RABEPK: variants seen among roughly 807,000 people sequenced by gnomAD.
RABEPK encodes 40 kDa Rab9 effector protein.
RABEPK carries 27 observed loss-of-function variants against 34.1 expected under a neutral mutation model. The ratio of observed to expected loss-of-function variants is 0.79; its 90% confidence interval spans 0.58 to 1.09. The LOEUF is 1.09. Among genes scored for constraint, RABEPK ranks in the 50% least tolerant of loss-of-function variants. The pLI, the probability that RABEPK is intolerant of heterozygous loss-of-function variation, is 0.00. For synonymous variants in RABEPK, 172 were observed against 169.2 expected, an observed-to-expected ratio of 1.02 and a Z score of -0.13; for missense variants, 449 against 462.6, an observed-to-expected ratio of 0.97 and a Z score of 0.27.
intron 4 of RABEPK, among the ~76,000 whole-genome samples, chr9:125,214,747 C>T (rs1171808534): frequency 1.3e-5 from 2 of 148,902 alleles, no homozygotes; most frequent in Non-Finnish European, 3.0e-5. Context: ...TGGAAAAAGT[C>T]ATCCACAATC....
chr9:125,203,057 A>G lies in RABEPK; in HGVS notation c.44A>G (p.Lys15Arg). The change falls in exon 2 of 8, where the codon AAA becomes AGA. Residue 15 changes from lysine to arginine, a missense_variant. By Grantham distance (26) the Lys-to-Arg change is conservative (BLOSUM62 2). Coordinates refer to ENST00000373538, the MANE Select transcript of RABEPK (RefSeq NM_005833.4). ...TTGGAACCTGGAGACAAGCCCAGGA[A>G]AGCAACATGGTCTGTAAGGAAGGAT... is the stretch of plus-strand genomic sequence containing the variant. ...PVLEPGDKPR[K>R]ATWYTLTVPG... 3.1e-6 allele frequency: 5 copies of G among 1,613,364 alleles called. No homozygotes were observed. The highest frequency in any genetic ancestry group is 4.2e-6 in the Non-Finnish European group (5 of 1,179,486).
At position 125,200,542 on chromosome 9, in the gene RABEPK, G is replaced by A. The variant is rs1829837108; in HGVS notation, c.-371G>A. Reference sequence around the variant, plus strand: ...GACCTAAGCCCCGCCCCTCCGGGGTGGAGTCACGGCTCGCGACTGGCCTAA... The same window carrying A: ...GACCTAAGCCCCGCCCCTCCGGGGTAGAGTCACGGCTCGCGACTGGCCTAA... On this transcript the variant is annotated 5_prime_UTR_variant, in exon 1 of 8. Transcript: ENST00000373538. The A allele has an allele frequency of 5.3e-6, 2 of 380,336 alleles. No individual in the cohort carries two copies. Among genetic ancestry groups the A allele is most frequent in the Non-Finnish European group, 1.1e-5 (2 of 183,442 alleles). The allele number at this position is 380,336 out of a possible 1,614,324, so 23.6% of individuals were successfully genotyped here. A position where few individuals can be genotyped will look rare whatever the true frequency, so the allele number is the denominator to read the frequency against.
At chr9:125,226,690 C>T (rs572388166) in intron 5 of RABEPK, among the ~76,000 whole-genome samples, 35 of 150,270 alleles carry the variant, frequency 2.3e-4, no homozygotes, top group Middle Eastern at 3.6e-3. Context: ...ATGGTGATAC[C>T]GCGTCTCAAT....
At chr9:125,216,729 G>A (rs1043711286) in intron 4 of RABEPK, among the ~76,000 whole-genome samples, 13 of 152,080 alleles carry the variant, frequency 8.5e-5, no homozygotes, top group African/African-American at 2.7e-4. Context: ...TTGGGAGGAC[G>A]AGGAGGGCGG....
Position 125,230,814 on chromosome 9 carries a change from T to C in RABEPK, c.677-1782T>C, listed in dbSNP as rs527300574. ...CCTCCCAAAGTGCTGGGATTACAGG[T>C]GTGAGCCACTGCGCCCGGCCGACAG... is the stretch of plus-strand genomic sequence containing the variant. On this transcript the variant is annotated intron_variant, in intron 6 of 7. Transcript: ENST00000373538. Among the ~76,000 whole-genome samples, 30 of 150,890 alleles carry C rather than the reference T, an allele frequency of 2.0e-4. No individual in the cohort carries two copies. In the South Asian group the frequency reaches 5.7e-3, roughly 29 times the overall value.
At chr9:125,218,279 G>A (rs1318239223) in intron 4 of RABEPK, among the ~76,000 whole-genome samples, 41 of 121,504 alleles carry the variant, frequency 3.4e-4, no homozygotes, top group East Asian at 2.6e-4. Flanking sequence ...CCGAGATCGC[G>A]CCACTGCACT....
rs775452492 is a variant in RABEPK at position 125,231,773 on chromosome 9, A to G, written c.677-823A>G. 9.7e-4 allele frequency among the ~76,000 whole-genome samples: 146 copies of G among 151,264 alleles called. 1 individual carries two copies. The highest frequency in any genetic ancestry group is 2.5e-3 in the Admixed American group (38 of 15,156). ...CACTCCAGGCTGGGCAACAGAGCGG[A>G]AAAAAAAAGAATAAGAAAGGGGATA... On this transcript the variant is annotated intron_variant, in intron 6 of 7. Coordinates refer to ENST00000373538, the MANE Select transcript of RABEPK (RefSeq NM_005833.4).
In RABEPK at chr9:125,213,389, AG is replaced by A. The variant is rs1260853179; in HGVS notation, c.232del (p.Asp78IlefsTer42). 1 of 1,612,460 alleles carries A rather than the reference AG, an allele frequency of 6.2e-7. No individual in the cohort carries two copies. Among genetic ancestry groups the A allele is most frequent in the East Asian group, 2.2e-5 (1 of 44,876 alleles). The part of the protein sequence containing the change: ...MDLGKHQWDL[D>X]TCKGLLPRYE... Reference sequence around the variant, plus strand: ...TTCCAGGAAAACACCAGTGGGACTTAGATACCTGCAAGGGCCTCTTGCCCCG... The same window carrying A: ...TTCCAGGAAAACACCAGTGGGACTTAATACCTGCAAGGGCCTCTTGCCCCG... On this transcript the variant is annotated frameshift_variant, in exon 4 of 8. Transcript: ENST00000373538. LOFTEE classifies it high-confidence loss of function.
intron 6 of RABEPK, among the ~76,000 whole-genome samples, chr9:125,229,790 G>C (rs890462221): frequency 6.6e-6 from 1 of 152,208 alleles, no homozygotes; most frequent in African/African-American, 2.4e-5. Flanking sequence ...AGGTTAGAGA[G>C]AACATGAGAA....
chr9:125,227,128 C>A (rs1831814501), intron 5 of RABEPK, among the ~76,000 whole-genome samples: 1 of 152,014 alleles, frequency 6.6e-6, no homozygotes, highest in Non-Finnish European at 1.5e-5. Flanking sequence ...TGAGATCATG[C>A]CATTGCACTC....
chr9:125,220,955 T>C, intron 5 of RABEPK: 1 of 355,230 alleles, frequency 2.8e-6, no homozygotes, highest in Non-Finnish European at 5.0e-6. Context: ...CCGCTTAAGG[T>C]CAGGAGTTCG....
chr9:125,229,529 C>G (rs1832028978), intron 6 of RABEPK, among the ~76,000 whole-genome samples: 1 of 152,196 alleles, frequency 6.6e-6, no homozygotes, highest in African/African-American at 2.4e-5. Context: ...TACCTCTGGA[C>G]AGAATACTAA....
chr9:125,213,316 A>G, intron 3 of RABEPK, 54 bp from the exon 4 acceptor site: 2 of 1,574,674 alleles, frequency 1.3e-6, no homozygotes, highest in South Asian at 1.2e-5. Context: ...AAGTGTGCCA[A>G]CCAATATAAT....
intron 1 of RABEPK, among the ~76,000 whole-genome samples, chr9:125,201,849 T>C (rs1829923908): frequency 6.6e-6 from 1 of 151,574 alleles, no homozygotes; most frequent in Non-Finnish European, 1.5e-5. Flanking sequence ...TCTGACCTCA[T>C]GATCCGCCTG....
At position 125,231,366 on chromosome 9, in the gene RABEPK, G is replaced by T. The variant is rs182653327; in HGVS notation, c.677-1230G>T. Among the ~76,000 whole-genome samples, 6 of 152,310 alleles carry T rather than the reference G, an allele frequency of 3.9e-5. No homozygotes were observed. In the East Asian group the frequency reaches 9.7e-4, roughly 25 times the overall value. ...AAATAGGTGGGAAGTAGGCGCTAAGGCAGCACATTATCGTGTAGAGATTTT... is the reference window on the plus strand; with the variant it reads ...AAATAGGTGGGAAGTAGGCGCTAAGTCAGCACATTATCGTGTAGAGATTTT... On this transcript the variant is annotated intron_variant, in intron 6 of 7. Coordinates refer to ENST00000373538, the MANE Select transcript of RABEPK (RefSeq NM_005833.4).
Position 125,233,690 on chromosome 9 carries a change from G to A in RABEPK, c.829G>A (p.Glu277Lys). ...LDTMYQYHTE[E>K]QHWTLLKFDT... ...AGCCTTTTCCCTCCCCAACATAGAA[G>A]AGCAGCATTGGACCTTGCTTAAATT... The change falls in exon 8 of 8, where the codon GAG becomes AAG. Residue 277 changes from glutamate to lysine, a missense_variant and splice_region_variant. Transcript: ENST00000373538. The A allele has an allele frequency of 6.2e-7, 1 of 1,611,538 alleles. No homozygotes were observed.
chr9:125,229,830 T>C (rs774028820), intron 6 of RABEPK, among the ~76,000 whole-genome samples: 3 of 152,234 alleles, frequency 2.0e-5, no homozygotes, highest in Non-Finnish European at 4.4e-5. Flanking sequence ...AGGGCTGATA[T>C]GCTGTGGAGA....
At position 125,228,043 on chromosome 9, in the gene RABEPK, C is replaced by T. The variant is rs758445976; in HGVS notation, c.660C>T (p.Leu220=). Residue 220 remains leucine, a synonymous_variant, in exon 6 of 8, where the codon CTC becomes CTT. Transcript: ENST00000373538. ...CGGGGGACAGATTCTATGATGACCT[C>T]CACTGCATTGATATAAGTAAGCAGG... ...GLAGDRFYDD[L]HCIDISDMKW... 2 of 1,589,878 alleles carry T rather than the reference C, an allele frequency of 1.3e-6. No individual in the cohort carries two copies. Among genetic ancestry groups the T allele is most frequent in the African/African-American group, 2.7e-5 (2 of 74,056 alleles).
At chr9:125,227,844 G>C in intron 5 of RABEPK, 66 bp from the exon 6 acceptor site, 2 of 1,446,888 alleles carry the variant, frequency 1.4e-6, no homozygotes, top group Non-Finnish European at 9.3e-7. Flanking sequence ...ACAGAGGCTT[G>C]GGCCTGTTTC....
Sources: allele counts gnomAD v4.1 joint callset (sites outside exome capture counted in the v4.1 genomes callset), GRCh38; gene constraint gnomAD v4.1.1; transcripts MANE v1.5; gene names NCBI Gene and HGNC (gene_info 2026-07-23, HGNC 2026-07-21).